SH3GL3: variants seen among roughly 807,000 people sequenced by gnomAD.
The protein encoded by SH3GL3 is SH3 domain containing GRB2 like 3, endophilin A3, also known as endophilin-A3.
SH3GL3 carries 33 observed loss-of-function variants against 47.7 expected under a neutral mutation model. The observed-to-expected ratio is 0.69, with a 90% CI of 0.52 to 0.92. The LOEUF is 0.92. SH3GL3 is among the 40% of genes least tolerant of loss of function. SH3GL3 has a pLI of 0.00. For synonymous variants in SH3GL3, 155 were observed against 148.8 expected (o/e 1.04, Z -0.30); for missense variants, 363 against 417.8 (o/e 0.87, Z 1.14).
chr15:83,632,709 G>T, the SH3GL3 span, among the ~76,000 whole-genome samples: 1 of 152,170 alleles, frequency 6.6e-6, no homozygotes, highest in Admixed American at 6.5e-5. Flanking sequence ...AAAAGCATGA[G>T]GGTAAGCACC....
intron 1 of SH3GL3, among the ~76,000 whole-genome samples, chr15:83,489,756 A>C (rs1431807088): frequency 6.6e-6 from 1 of 152,024 alleles, no homozygotes; most frequent in African/African-American, 2.4e-5. Flanking sequence ...GGGAAGTTAG[A>C]CCTATTTAGG....
intron 1 of SH3GL3, among the ~76,000 whole-genome samples, chr15:83,464,626 C>T (rs1463919854): frequency 6.6e-6 from 1 of 152,150 alleles, no homozygotes; most frequent in Non-Finnish European, 1.5e-5. Context: ...ACAAAACAAA[C>T]CAAAGTAAAA....
intron 1 of SH3GL3, among the ~76,000 whole-genome samples, chr15:83,459,550 G>T (rs1267750888): frequency 6.6e-6 from 1 of 152,190 alleles, no homozygotes; most frequent in Non-Finnish European, 1.5e-5. Flanking sequence ...AGAGCAACAA[G>T]ATTTTCTCAG....
Position 83,607,882 on chromosome 15 carries a change from A to AAAC in SH3GL3, c.839-10188_839-10186dup, listed in dbSNP as rs139754251. Among the ~76,000 whole-genome samples the AAAC allele has an allele frequency of 2.9e-3, 351 of 120,010 alleles. 2 individuals are homozygous for AAAC. The highest frequency in any genetic ancestry group is 9.6e-3 in the African/African-American group (337 of 35,264). The allele number at this position is 120,010 out of a possible 152,430, so 78.7% of individuals were successfully genotyped here. A position where few individuals can be genotyped will look rare whatever the true frequency, so the allele number is the denominator to read the frequency against. The stretch of plus-strand genomic sequence containing the variant: ...ATAATAATAATAATAATAATAATAC[A>AAAC]AACAACAACAACAAAAAAAACAACC... On this transcript the variant is annotated intron_variant, in intron 8 of 8. Coordinates refer to ENST00000427482, the MANE Select transcript of SH3GL3 (RefSeq NM_003027.5).
chr15:83,486,391 A>G (rs1567261912), intron 1 of SH3GL3, among the ~76,000 whole-genome samples: 1 of 151,994 alleles, frequency 6.6e-6, no homozygotes. Flanking sequence ...TTAAGCAGTT[A>G]CTCCTCATTT....
chr15:83,588,803 C>A, intron 8 of SH3GL3, 32 bp downstream of exon 8: 1 of 1,171,926 alleles, frequency 8.5e-7, no homozygotes, highest in Non-Finnish European at 1.3e-6. Context: ...GCTAAGTGTG[C>A]CTTTAGTAAA....
intron 1 of SH3GL3, among the ~76,000 whole-genome samples, chr15:83,502,681 C>T (rs894390363): frequency 5.3e-5 from 8 of 152,108 alleles, no homozygotes; most frequent in South Asian, 2.1e-4. Context: ...CCCTCAGCCT[C>T]CTGAGTAGCT....
chr15:83,559,909 T>A (rs1429017936), intron 2 of SH3GL3, among the ~76,000 whole-genome samples: 1 of 152,158 alleles, frequency 6.6e-6, no homozygotes, highest in East Asian at 1.9e-4. Context: ...TGAAATAACT[T>A]ACAAAAAATA....
At chr15:83,580,757 A>G (rs2059808710) in intron 6 of SH3GL3, among the ~76,000 whole-genome samples, 1 of 152,180 alleles carries the variant, frequency 6.6e-6, no homozygotes, top group South Asian at 2.1e-4. Flanking sequence ...CTTACCACCC[A>G]GATACAGCCT....
chr15:83,514,978 A>G (rs2042920844), intron 1 of SH3GL3, among the ~76,000 whole-genome samples: 1 of 152,120 alleles, frequency 6.6e-6, no homozygotes, highest in Non-Finnish European at 1.5e-5. Flanking sequence ...TCAGGGTCCA[A>G]GGAATGCACA....
chr15:83,553,000 C>T (rs2044745672), intron 1 of SH3GL3, among the ~76,000 whole-genome samples: 1 of 152,158 alleles, frequency 6.6e-6, no homozygotes, highest in Admixed American at 6.5e-5. Flanking sequence ...GGCACAGTGG[C>T]TCATATCTGA....
intron 1 of SH3GL3, among the ~76,000 whole-genome samples, chr15:83,496,358 C>CAAAAAAAAAAAA (rs57113409): frequency 1.1e-5 from 1 of 89,518 alleles, no homozygotes; most frequent in Non-Finnish European, 2.2e-5. Flanking sequence ...GATTATGTCT[C>CAAAAAAAAAAAA]AAAAAAAAAA....
chr15:83,514,777 AAGG>A (rs1469904705), intron 1 of SH3GL3, among the ~76,000 whole-genome samples: 3 of 152,158 alleles, frequency 2.0e-5, no homozygotes, highest in Non-Finnish European at 4.4e-5. Context: ...CATTTAAGCA[AAGG>A]AGAAGTGGGT....
chr15:83,570,678 A>T (rs768547753), intron 4 of SH3GL3, among the ~76,000 whole-genome samples: 20 of 152,240 alleles, frequency 1.3e-4, no homozygotes, highest in Non-Finnish European at 1.3e-4. Context: ...GAGAAATCAA[A>T]TATTTGGCCA....
intron 2 of SH3GL3, among the ~76,000 whole-genome samples, chr15:83,561,810 G>A (rs1315535248): frequency 2.0e-5 from 3 of 152,068 alleles, no homozygotes; most frequent in African/African-American, 7.2e-5. Context: ...TCTCACTCAG[G>A]GACTGGGCCT....
chr15:83,492,933 C>G (rs1014521060), intron 1 of SH3GL3, among the ~76,000 whole-genome samples: 1 of 152,196 alleles, frequency 6.6e-6, no homozygotes, highest in African/African-American at 2.4e-5. Flanking sequence ...GGGTCTGTTT[C>G]TGGGGGAAAC....
intron 1 of SH3GL3, among the ~76,000 whole-genome samples, chr15:83,467,979 C>T (rs1402521775): frequency 1.3e-5 from 2 of 152,148 alleles, no homozygotes; most frequent in Admixed American, 1.3e-4. Context: ...AGGTGCCCGC[C>T]ACCACGCCCA....
At chr15:83,491,013 G>T in intron 1 of SH3GL3, 1 of 1,534,828 alleles carries the variant, frequency 6.5e-7, no homozygotes, top group Non-Finnish European at 8.8e-7. Context: ...TCTTCATGGT[G>T]AAAAGTGGGA....
the SH3GL3 span, among the ~76,000 whole-genome samples, chr15:83,624,772 A>C: frequency 6.6e-6 from 1 of 152,164 alleles, no homozygotes; most frequent in Non-Finnish European, 1.5e-5. Context: ...CCATCCCTAC[A>C]AAAAAGTTAA....
Sources: allele counts gnomAD v4.1 joint callset (sites outside exome capture counted in the v4.1 genomes callset), GRCh38; gene constraint gnomAD v4.1.1; transcripts MANE v1.5; gene names NCBI Gene and HGNC (gene_info 2026-07-23, HGNC 2026-07-21).